CCDC158: variants seen among roughly 807,000 people sequenced by gnomAD.
The protein encoded by CCDC158 is coiled-coil domain-containing protein 158.
CCDC158 carries 116 observed loss-of-function variants against 138.6 expected under a neutral mutation model. That is an observed-to-expected ratio of 0.84 (90% CI 0.72 to 0.98). The LOEUF (loss-of-function observed/expected upper bound fraction) is 0.98, where lower values mean the gene tolerates loss of function less well. CCDC158 is among the 50% of genes least tolerant of loss of function. CCDC158 has a pLI of 0.00. For synonymous variants in CCDC158, 436 were observed against 442.4 expected, an observed-to-expected ratio of 0.99 and a Z score of 0.18; for missense variants, 1,265 against 1,306.1, an observed-to-expected ratio of 0.97 and a Z score of 0.48.
At chr4:76,345,945 C>CAA (rs57290962) in intron 18 of CCDC158, among the ~76,000 whole-genome samples, 3 of 151,510 alleles carry the variant, frequency 2.0e-5, no homozygotes, top group African/African-American at 7.3e-5. Context: ...CAATCCTAAA[C>CAA]AAAAAAAACA....
intron 18 of CCDC158, among the ~76,000 whole-genome samples, chr4:76,334,986 A>T (rs149373437): frequency 6.6e-6 from 1 of 152,278 alleles, no homozygotes; most frequent in African/African-American, 2.4e-5. Flanking sequence ...TCCTCTTCTC[A>T]ACTCCACTAA....
chr4:76,399,413 T>C (rs969594301), intron 3 of CCDC158, among the ~76,000 whole-genome samples: 1 of 152,036 alleles, frequency 6.6e-6, no homozygotes, highest in African/African-American at 2.4e-5. Flanking sequence ...TGGCACACAT[T>C]TACCTATGCA....
intron 13 of CCDC158, among the ~76,000 whole-genome samples, chr4:76,357,820 G>A (rs1345057928): frequency 6.6e-6 from 1 of 151,902 alleles, no homozygotes; most frequent in Non-Finnish European, 1.5e-5. Context: ...CCTTCTTCTT[G>A]GATGACCGTG....
At chr4:76,335,272 C>T (rs1013008108) in intron 18 of CCDC158, among the ~76,000 whole-genome samples, 1 of 152,134 alleles carries the variant, frequency 6.6e-6, no homozygotes, top group Non-Finnish European at 1.5e-5. Context: ...TTCTTGCCCT[C>T]ACGCTAATAT....
chr4:76,375,539 A>G (rs1004766515), intron 9 of CCDC158: 2 of 702,006 alleles, frequency 2.8e-6, no homozygotes, highest in Admixed American at 2.0e-5. Flanking sequence ...TTAATACAAA[A>G]TTCAGCCCCA....
At chr4:76,357,346 A>G in intron 14 of CCDC158, 28 bp downstream of exon 14, 1 of 1,454,964 alleles carries the variant, frequency 6.9e-7, no homozygotes, top group Non-Finnish European at 9.1e-7. Flanking sequence ...AAAACAGAAG[A>G]AAAAATTTTA....
At chr4:76,326,040 A>T in intron 22 of CCDC158, 25 bp from the exon 23 acceptor site, 2 of 1,591,024 alleles carry the variant, frequency 1.3e-6, no homozygotes, top group Non-Finnish European at 1.7e-6. Flanking sequence ...GAATAAAAGT[A>T]AAAGGACAGA....
intron 15 of CCDC158, among the ~76,000 whole-genome samples, chr4:76,354,919 A>G (rs1303216240): frequency 6.6e-6 from 1 of 152,192 alleles, no homozygotes; most frequent in East Asian, 1.9e-4. Flanking sequence ...TATTGTTTTT[A>G]TTAGGTTCCT....
intron 18 of CCDC158, among the ~76,000 whole-genome samples, chr4:76,335,573 GT>G (rs945330336): frequency 6.6e-6 from 1 of 151,898 alleles, no homozygotes; most frequent in Admixed American, 6.6e-5. Flanking sequence ...AATACATAAG[GT>G]TTTTTTGTTT....
upstream of CCDC158, among the ~76,000 whole-genome samples, chr4:76,421,493 C>G (rs149138685): frequency 1.2e-4 from 19 of 152,236 alleles, no homozygotes; most frequent in Admixed American, 9.1e-4. Context: ...CCTAACTGGT[C>G]TCCGGCCCTA....
intron 18 of CCDC158, among the ~76,000 whole-genome samples, chr4:76,334,510 T>G (rs1482723551): frequency 6.6e-6 from 1 of 152,196 alleles, no homozygotes; most frequent in Non-Finnish European, 1.5e-5. Context: ...CAAAATAACT[T>G]TCAATACTTT....
intron 4 of CCDC158, among the ~76,000 whole-genome samples, chr4:76,390,977 T>C (rs983059279): frequency 5.3e-5 from 8 of 152,108 alleles, no homozygotes; most frequent in Non-Finnish European, 1.0e-4. Context: ...CACCCAGATA[T>C]ATAAAGCAAA....
intron 2 of CCDC158, among the ~76,000 whole-genome samples, chr4:76,409,940 C>A (rs1184366041): frequency 6.6e-6 from 1 of 151,468 alleles, no homozygotes; most frequent in African/African-American, 2.4e-5. Flanking sequence ...AAACCACAGA[C>A]CACAAAGAGG....
intron 18 of CCDC158, among the ~76,000 whole-genome samples, chr4:76,338,898 G>A (rs1370462335): frequency 6.6e-6 from 1 of 152,182 alleles, no homozygotes. Context: ...AAGGGGGAAA[G>A]ACCCAATGAT....
At position 76,328,834 on chromosome 4, in the gene CCDC158, C is replaced by T. The variant is rs536532855; in HGVS notation, c.3010+66G>A. On this transcript the variant is annotated intron_variant, in intron 22 of 24. Coordinates refer to ENST00000682701, the MANE Select transcript of CCDC158 (RefSeq NM_001394954.1). ...TTGGAAGATACTGCAATGACTTTGG[C>T]TTTTACCCTCGTGGAAATGGGGAGA... 11 of 1,335,066 alleles carry T rather than the reference C, an allele frequency of 8.2e-6. No individual in the cohort carries two copies. In the East Asian group the frequency reaches 2.5e-4, roughly 31 times the overall value. The allele number at this position is 1,335,066 out of a possible 1,614,324, so 82.7% of individuals were successfully genotyped here.
At chr4:76,395,527 T>A (rs1022769516) in intron 4 of CCDC158, among the ~76,000 whole-genome samples, 9 of 151,974 alleles carry the variant, frequency 5.9e-5, no homozygotes, top group African/African-American at 2.2e-4. Flanking sequence ...ATGGGCTGAG[T>A]CTTGGTGCAT....
chr4:76,379,292 T>C lies in CCDC158; in HGVS notation c.1027A>G (p.Lys343Glu). The change falls in exon 9 of 25, where the codon AAG (lysine) becomes GAG (glutamate). Residue 343 changes from lysine to glutamate, a missense_variant and splice_region_variant. Lys to Glu is a moderately conservative substitution (Grantham distance 56). Transcript: ENST00000682701. ...LREAKRMYEDKTEELEKQLVL... is the reference protein window; with the variant it reads ...LREAKRMYEDETEELEKQLVL... ...AGACCAGCAAAACCTAAACTCACCT[T>C]GTCTTCATACATCCTTTTGGCTTCC... The C allele has an allele frequency of 6.3e-7, 1 of 1,591,744 alleles. No individual in the cohort carries two copies. The highest frequency in any genetic ancestry group is 8.6e-7 in the Non-Finnish European group (1 of 1,168,016).
rs1017432861 is a variant in CCDC158, at chr4:76,417,170, T to G, written c.-117+3795A>C. ...GGAGATCATTTTGTAGCTTTAAAAT[T>G]TGACTGCCCTGCTGGATTTTGGATT... On this transcript the variant is annotated intron_variant, in intron 1 of 24. Transcript: ENST00000682701. 3.9e-5 allele frequency among the ~76,000 whole-genome samples: 6 copies of G among 152,294 alleles called. No homozygotes were observed. The South Asian group carries it at 8.3e-4, about 21-fold the overall frequency.
intron 1 of CCDC158, among the ~76,000 whole-genome samples, chr4:76,415,346 C>A (rs2109924201): frequency 6.6e-6 from 1 of 152,056 alleles, no homozygotes; most frequent in East Asian, 1.9e-4. Context: ...GGAAGCAGAG[C>A]ATAAAAGTTT....
Sources: allele counts gnomAD v4.1 joint callset (sites outside exome capture counted in the v4.1 genomes callset), GRCh38; gene constraint gnomAD v4.1.1; transcripts MANE v1.5; gene names NCBI Gene and HGNC (gene_info 2026-07-23, HGNC 2026-07-21).